Variants in ROR1 observed in about 807,000 individuals in gnomAD.
The protein encoded by ROR1 is ROR family WNT receptor 1.
A neutral mutation model predicts 78.8 loss-of-function variants in ROR1; 19 were observed. The ratio of observed to expected loss-of-function variants is 0.24; its 90% CI spans 0.17 to 0.35. ROR1 has a LOEUF of 0.35. ROR1 is among the 10% of genes least tolerant of loss of function. The pLI is 1.00. For synonymous variants in ROR1, 386 were observed against 433.6 expected, an observed-to-expected ratio of 0.89 and a Z score of 1.36; for missense variants, 917 against 1,177.8, an observed-to-expected ratio of 0.78 and a Z score of 3.24.
intron 1 of ROR1, among the ~76,000 whole-genome samples, chr1:63,886,013 T>C (rs1645354464): frequency 6.6e-6 from 1 of 152,164 alleles, no homozygotes; most frequent in South Asian, 2.1e-4. Context: ...CACAACTAGA[T>C]GATCCCATCT....
At chr1:63,940,381 G>A (rs1158116243) in intron 1 of ROR1, among the ~76,000 whole-genome samples, 1 of 152,124 alleles carries the variant, frequency 6.6e-6, no homozygotes, top group Non-Finnish European at 1.5e-5. Flanking sequence ...TTGAGTGATG[G>A]AATAGATAAG....
At chr1:63,849,762 TCTCAG>T (rs1645102452) in intron 1 of ROR1, among the ~76,000 whole-genome samples, 2 of 152,172 alleles carry the variant, frequency 1.3e-5, no homozygotes, top group Non-Finnish European at 2.9e-5. Context: ...TTTCCTACCA[TCTCAG>T]ATTCCTGGAT....
intron 8 of ROR1, among the ~76,000 whole-genome samples, chr1:64,166,891 C>T (rs1311863615): frequency 6.6e-6 from 1 of 152,168 alleles, no homozygotes; most frequent in Non-Finnish European, 1.5e-5. Context: ...TATAGAAACT[C>T]TACTTCTGGG....
intron 1 of ROR1, among the ~76,000 whole-genome samples, chr1:64,004,129 A>G (rs1646409263): frequency 6.6e-6 from 1 of 152,238 alleles, no homozygotes; most frequent in Non-Finnish European, 1.5e-5. Flanking sequence ...AGCCACCTCT[A>G]AAGTCTGGCT....
At chr1:63,801,166 A>G (rs1269765205) in intron 1 of ROR1, among the ~76,000 whole-genome samples, 1 of 152,184 alleles carries the variant, frequency 6.6e-6, no homozygotes, top group Non-Finnish European at 1.5e-5. Flanking sequence ...TATGTCATTT[A>G]TATGATTTAA....
At chr1:63,833,997 T>C (rs995062146) in intron 1 of ROR1, among the ~76,000 whole-genome samples, 1 of 151,538 alleles carries the variant, frequency 6.6e-6, no homozygotes, top group African/African-American at 2.4e-5. Flanking sequence ...CTTCTTTTTT[T>C]TTTTTTTTTG....
chr1:63,810,001 A>G (rs889043588), intron 1 of ROR1, among the ~76,000 whole-genome samples: 2 of 152,170 alleles, frequency 1.3e-5, no homozygotes, highest in Non-Finnish European at 2.9e-5. Context: ...CTTGGATTCC[A>G]ATGCAACAAG....
At chr1:64,147,870 G>T (rs987483133) in intron 7 of ROR1, among the ~76,000 whole-genome samples, 3 of 152,074 alleles carry the variant, frequency 2.0e-5, no homozygotes, top group African/African-American at 7.2e-5. Context: ...GGAACATTTG[G>T]CAATTTCTGG....
intron 1 of ROR1, among the ~76,000 whole-genome samples, chr1:63,981,602 A>G (rs1646210673): frequency 6.6e-6 from 1 of 152,124 alleles, no homozygotes; most frequent in African/African-American, 2.4e-5. Flanking sequence ...GCAGTGAGTC[A>G]AGGCTGCTTC....
At chr1:63,883,671 G>A (rs1370489215) in intron 1 of ROR1, among the ~76,000 whole-genome samples, 2 of 152,168 alleles carry the variant, frequency 1.3e-5, no homozygotes, top group African/African-American at 4.8e-5. Flanking sequence ...TCTGCCATTG[G>A]TGACTCTCCA....
chr1:64,096,784 G>A lies in ROR1; in HGVS notation c.483-40585G>A, dbSNP rs377162932. Among the ~76,000 whole-genome samples the A allele has an allele frequency of 1.6e-3, 246 of 152,040 alleles. 2 individuals are homozygous for A. Among genetic ancestry groups the A allele is most frequent in the African/African-American group, 4.6e-3 (191 of 41,406 alleles). On this transcript the variant is annotated intron_variant, in intron 4 of 8. Transcript: ENST00000371079. ...TAGTAATGGAATTGCTGAGTCTAAT[G>A]GTATTTCTGTCTTTAGGTCTTTGAG...
chr1:64,152,042 A>G (rs1649642608), intron 7 of ROR1, among the ~76,000 whole-genome samples: 3 of 152,212 alleles, frequency 2.0e-5, no homozygotes, highest in Admixed American at 1.3e-4. Context: ...CAAAGTGATT[A>G]TGGAATGATT....
chr1:63,914,024 G>A (rs1012325771), intron 1 of ROR1, among the ~76,000 whole-genome samples: 1 of 152,170 alleles, frequency 6.6e-6, no homozygotes. Flanking sequence ...TGTGTCAGGA[G>A]CTCTAGGTTA....
At position 63,861,138 on chromosome 1, in the gene ROR1, C is replaced by G. The variant is rs143792571; in HGVS notation, c.91+86630C>G. Among the ~76,000 whole-genome samples the G allele has an allele frequency of 4.6e-5, 7 of 152,302 alleles. No homozygotes were observed. In the South Asian group the frequency reaches 6.2e-4, roughly 14 times the overall value. ...AAAGGGGCTTTACTCCAGGGAAGAA[C>G]ACAGCTGTCCAGGAGGAATCCGGGA... On this transcript the variant is annotated intron_variant, in intron 1 of 8. Transcript: ENST00000371079.
intron 1 of ROR1, among the ~76,000 whole-genome samples, chr1:63,802,095 T>C (rs1187457529): frequency 6.6e-6 from 1 of 152,202 alleles, no homozygotes; most frequent in Non-Finnish European, 1.5e-5. Flanking sequence ...TTCCAAAGAA[T>C]TGGGCTTAAT....
chr1:63,879,792 TACCAGC>T (rs1415461422), intron 1 of ROR1, among the ~76,000 whole-genome samples: 1 of 152,224 alleles, frequency 6.6e-6, no homozygotes, highest in East Asian at 1.9e-4. Flanking sequence ...GAACAAGAAG[TACCAGC>T]ATGAGATCAA....
intron 4 of ROR1, among the ~76,000 whole-genome samples, chr1:64,118,001 G>A (rs142605819): frequency 0.015 from 2,323 of 152,320 alleles, 78 homozygotes; most frequent in African/African-American, 0.053. Context: ...AGGGATTTGA[G>A]ACCAGCCTGG....
intron 4 of ROR1, among the ~76,000 whole-genome samples, chr1:64,079,042 G>A (rs548570059): frequency 2.6e-5 from 4 of 152,274 alleles, no homozygotes; most frequent in Admixed American, 2.0e-4. Flanking sequence ...TTAGAGTGGC[G>A]AAAGGTAATG....
intron 1 of ROR1, among the ~76,000 whole-genome samples, chr1:63,954,285 A>G (rs990116097): frequency 6.6e-6 from 1 of 152,206 alleles, no homozygotes; most frequent in African/African-American, 2.4e-5. Context: ...AAGTGAGGGC[A>G]CACCCAGCTC....
Sources: allele counts gnomAD v4.1 joint callset (sites outside exome capture counted in the v4.1 genomes callset), GRCh38; gene constraint gnomAD v4.1.1; transcripts MANE v1.5; gene names NCBI Gene and HGNC (gene_info 2026-07-23, HGNC 2026-07-21).